ELMO1: variants seen among roughly 807,000 people sequenced by gnomAD.
ELMO1 encodes engulfment and cell motility 1.
A neutral mutation model predicts 98.9 loss-of-function variants in ELMO1; 26 were observed. The observed-to-expected ratio is 0.26, with a 90% CI of 0.19 to 0.36. ELMO1 has a LOEUF of 0.36. Ranked by LOEUF, ELMO1 falls within the 10% of genes least tolerant of loss-of-function variation. The probability of loss-of-function intolerance (pLI) is 1.00; values close to 1 mark genes in which losing one functional copy is unlikely to be tolerated. For missense variants in ELMO1, 627 were observed against 935.2 expected (o/e 0.67, Z 4.30); for synonymous variants, 346 against 346.0 (o/e 1.00, Z 0.00).
At chr7:37,163,378 A>T (rs1789371668) in intron 13 of ELMO1, among the ~76,000 whole-genome samples, 1 of 151,732 alleles carries the variant, frequency 6.6e-6, no homozygotes, top group Non-Finnish European at 1.5e-5. Flanking sequence ...GTTTTAGGGT[A>T]CATGTGCACA....
At chr7:37,325,309 C>T (rs898344618) in intron 2 of ELMO1, among the ~76,000 whole-genome samples, 2 of 152,242 alleles carry the variant, frequency 1.3e-5, no homozygotes, top group Non-Finnish European at 2.9e-5. Flanking sequence ...GGGACACTGT[C>T]CCCTCCCAGG....
At chr7:37,006,382 GAAGTATT>G (rs1793124367) in intron 16 of ELMO1, among the ~76,000 whole-genome samples, 1 of 152,182 alleles carries the variant, frequency 6.6e-6, no homozygotes, top group Admixed American at 6.5e-5. Context: ...GTGACTCTGG[GAAGTATT>G]ATTTATTACT....
At chr7:37,239,802 G>A (rs1197753818) in intron 7 of ELMO1, among the ~76,000 whole-genome samples, 2 of 152,148 alleles carry the variant, frequency 1.3e-5, no homozygotes, top group African/African-American at 4.8e-5. Flanking sequence ...AAATGACCAG[G>A]CTCTGGTATC....
At chr7:37,218,127 T>C (rs1002858364) in intron 10 of ELMO1, among the ~76,000 whole-genome samples, 8 of 152,080 alleles carry the variant, frequency 5.3e-5, no homozygotes, top group African/African-American at 1.9e-4. Context: ...AGATGACAAA[T>C]AAAAGCCTCA....
chr7:37,178,687 G>T (rs1790651993), intron 13 of ELMO1, among the ~76,000 whole-genome samples: 2 of 152,226 alleles, frequency 1.3e-5, no homozygotes, highest in South Asian at 4.2e-4. Context: ...AATAAAAATT[G>T]TAAAAGTCAG....
At chr7:37,133,341 C>A in intron 13 of ELMO1, 107 bp from the exon 14 acceptor site, 2 of 735,904 alleles carry the variant, frequency 2.7e-6, no homozygotes, top group Non-Finnish European at 4.3e-6. Flanking sequence ...AGGTAAGGTC[C>A]AAATAATCAA....
At chr7:37,230,889 C>A (rs550787964) in intron 8 of ELMO1, among the ~76,000 whole-genome samples, 1 of 152,322 alleles carries the variant, frequency 6.6e-6, no homozygotes, top group Admixed American at 6.5e-5. Flanking sequence ...ACATTCCCTG[C>A]CACCACCAAA....
chr7:37,394,101 T>C (rs1415658365), intron 1 of ELMO1, among the ~76,000 whole-genome samples: 1 of 152,182 alleles, frequency 6.6e-6, no homozygotes, highest in African/African-American at 2.4e-5. Context: ...CTTATATTTA[T>C]GGGGAGCCTC....
At chr7:37,244,279 G>T in intron 7 of ELMO1, 77 bp downstream of exon 7, 1 of 1,448,284 alleles carries the variant, frequency 6.9e-7, no homozygotes, top group Non-Finnish European at 9.5e-7. Context: ...TATACAATCA[G>T]TCAGATGACA....
intron 4 of ELMO1, among the ~76,000 whole-genome samples, chr7:37,302,766 T>C (rs1798414301): frequency 6.6e-6 from 1 of 152,164 alleles, no homozygotes; most frequent in African/African-American, 2.4e-5. Context: ...GAATTTTTGC[T>C]TTAGGTTACT....
chr7:37,073,845 G>A (rs1337798769), intron 15 of ELMO1, among the ~76,000 whole-genome samples: 2 of 151,606 alleles, frequency 1.3e-5, no homozygotes, highest in East Asian at 1.9e-4. Context: ...GCCTCCCAAA[G>A]TATTGGGATT....
chr7:37,015,369 C>A (rs1017300707), intron 15 of ELMO1, among the ~76,000 whole-genome samples: 6 of 152,052 alleles, frequency 3.9e-5, no homozygotes, highest in Admixed American at 6.5e-5. Flanking sequence ...GAGGCCGAGG[C>A]GGGTGGATCA....
At chr7:37,315,625 C>T (rs921829452) in intron 3 of ELMO1, among the ~76,000 whole-genome samples, 1 of 152,310 alleles carries the variant, frequency 6.6e-6, no homozygotes, top group East Asian at 1.9e-4. Flanking sequence ...ACTGTGTCCT[C>T]AAAAACCTTT....
chr7:36,853,144 T>C lies in ELMO1; in HGVS notation c.*2407A>G, dbSNP rs1024621460. ...GGTGGCCAAATATGGGCAACAATCCTTCCCCACATGGTCACAAAATGAATG... is the reference window on the plus strand; with the variant it reads ...GGTGGCCAAATATGGGCAACAATCCCTCCCCACATGGTCACAAAATGAATG... On this transcript the variant is annotated 3_prime_UTR_variant, in exon 22 of 22. Coordinates refer to ENST00000310758, the MANE Select transcript of ELMO1 (RefSeq NM_014800.11). Among the ~76,000 whole-genome samples the C allele has an allele frequency of 6.6e-6, 1 of 152,188 alleles. No individual in the cohort carries two copies. The highest frequency in any genetic ancestry group is 6.5e-5 in the Admixed American group (1 of 15,276).
At chr7:37,404,282 C>T (rs1387459038) in intron 1 of ELMO1, among the ~76,000 whole-genome samples, 1 of 151,970 alleles carries the variant, frequency 6.6e-6, no homozygotes, top group Non-Finnish European at 1.5e-5. Flanking sequence ...GGTGGCTCCC[C>T]CTTCCACCTT....
intron 15 of ELMO1, among the ~76,000 whole-genome samples, chr7:37,073,333 C>A (rs1027139523): frequency 6.6e-6 from 1 of 152,064 alleles, no homozygotes; most frequent in African/African-American, 2.4e-5. Context: ...GCAGTATGAT[C>A]CCACATTTTT....
chr7:37,117,758 A>G (rs1377098694), intron 14 of ELMO1, among the ~76,000 whole-genome samples: 1 of 152,220 alleles, frequency 6.6e-6, no homozygotes. Flanking sequence ...TAAAGCCAGG[A>G]AAAAAGTAAA....
chr7:36,989,275 A>G (rs1791712821), intron 16 of ELMO1, among the ~76,000 whole-genome samples: 2 of 152,216 alleles, frequency 1.3e-5, no homozygotes, highest in South Asian at 4.1e-4. Context: ...CAACAACAAC[A>G]AAAAAGTAGC....
intron 5 of ELMO1, 53 bp from the exon 6 acceptor site, chr7:37,259,403 A>G: frequency 6.3e-7 from 1 of 1,576,844 alleles, no homozygotes; most frequent in Non-Finnish European, 8.7e-7. Flanking sequence ...CCACAACAGC[A>G]AAACAGATTT....
Sources: gnomAD v4.1 joint callset for allele counts (sites outside exome capture counted in the v4.1 genomes callset) on GRCh38, gnomAD v4.1.1 for gene constraint, MANE v1.5 for transcripts, NCBI Gene and HGNC (gene_info 2026-07-23, HGNC 2026-07-21) for gene names.